Variants in STRBP observed in about 807,000 individuals in gnomAD.
STRBP encodes spermatid perinuclear RNA binding protein, also known as spermatid perinuclear RNA-binding protein.
STRBP carries 13 observed loss-of-function variants against 80.1 expected under a neutral mutation model. The observed-to-expected ratio is 0.16, with a 90% CI of 0.11 to 0.26. STRBP has a LOEUF of 0.26. Among genes scored for constraint, STRBP ranks in the 10% least tolerant of loss-of-function variants. The pLI, the probability that STRBP is intolerant of heterozygous loss-of-function variation, is 1.00. For synonymous variants in STRBP, 284 were observed against 291.2 expected (o/e 0.98, Z 0.25); for missense variants, 485 against 815.2 (o/e 0.59, Z 4.93).
intron 2 of STRBP, among the ~76,000 whole-genome samples, chr9:123,207,961 C>T (rs893001303): frequency 2.0e-5 from 3 of 152,064 alleles, no homozygotes; most frequent in Non-Finnish European, 4.4e-5. Flanking sequence ...ACGTAAGATA[C>T]GTAGAAACAA....
chr9:123,262,726 C>T (rs2041184532), intron 1 of STRBP, among the ~76,000 whole-genome samples: 1 of 152,232 alleles, frequency 6.6e-6, no homozygotes, highest in South Asian at 2.1e-4. Context: ...GCCACATGCA[C>T]ATGTGGAGAG....
At chr9:123,169,873 CATATAT>C (rs59261791) in intron 6 of STRBP, 23 bp downstream of exon 6, 13 of 992,796 alleles carry the variant, frequency 1.3e-5, no homozygotes, top group Admixed American at 8.6e-5. Context: ...CAAATATATA[CATATAT>C]ATATATATAT....
At chr9:123,154,997 G>C (rs1279515573) in intron 11 of STRBP, among the ~76,000 whole-genome samples, 1 of 152,190 alleles carries the variant, frequency 6.6e-6, no homozygotes, top group Non-Finnish European at 1.5e-5. Flanking sequence ...ACTGACGCTG[G>C]TGAGAGAACA....
At chr9:123,229,336 G>A (rs1466862673) in intron 2 of STRBP, among the ~76,000 whole-genome samples, 2 of 152,144 alleles carry the variant, frequency 1.3e-5, no homozygotes, top group Non-Finnish European at 2.9e-5. Context: ...TTTAGGGCAT[G>A]TGAATTATAT....
intron 6 of STRBP, among the ~76,000 whole-genome samples, chr9:123,164,780 C>A (rs2037681706): frequency 6.6e-6 from 1 of 152,216 alleles, no homozygotes; most frequent in Non-Finnish European, 1.5e-5. Context: ...GCAGCCCCTT[C>A]TCTCTCAATT....
rs1263491149 is a variant in STRBP, at chr9:123,115,308, TCTC to T, written c.*84+618_*84+620del. The T allele has an allele frequency of 8.5e-6, 4 of 471,022 alleles. No individual in the cohort carries two copies. The East Asian group carries it at 2.8e-4, about 33-fold the overall frequency. The allele number at this position is 471,022 out of a possible 1,614,324, so 29.2% of individuals were successfully genotyped here. ...TGGTAAATTACTCAGTAAGCACTTC[TCTC>T]CTGAGGCCTGGCTCCTCTCCTGCCC... On this transcript the variant is annotated intron_variant and NMD_transcript_variant, in intron 3 of 3. Transcript: ENST00000471564. The surrounding 1 kb of genome is among the most constrained non-coding windows in gnomAD (Gnocchi z 5.0).
At chr9:123,256,898 CTTT>C (rs754149758) in intron 1 of STRBP, among the ~76,000 whole-genome samples, 2 of 134,250 alleles carry the variant, frequency 1.5e-5, no homozygotes, top group Non-Finnish European at 3.3e-5. Flanking sequence ...AGCCAGGAAT[CTTT>C]TTTTTTTTTT....
chr9:123,185,539 C>A (rs1208624605), intron 2 of STRBP, among the ~76,000 whole-genome samples: 1 of 152,116 alleles, frequency 6.6e-6, no homozygotes, highest in African/African-American at 2.4e-5. Context: ...AAACAGGGAT[C>A]AAAATATGAT....
intron 1 of STRBP, among the ~76,000 whole-genome samples, chr9:123,261,070 C>G (rs1185799475): frequency 6.6e-6 from 1 of 152,154 alleles, no homozygotes; most frequent in African/African-American, 2.4e-5. Flanking sequence ...TAAATAGGAT[C>G]AGATCTCATA....
intron 1 of STRBP, among the ~76,000 whole-genome samples, chr9:123,247,173 C>A (rs967343577): frequency 4.6e-5 from 7 of 152,168 alleles, no homozygotes; most frequent in Admixed American, 4.6e-4. Context: ...TGAAAAACAG[C>A]AAAAACTCCT....
intron 4 of STRBP, among the ~76,000 whole-genome samples, chr9:123,174,233 C>T (rs1332808627): frequency 6.6e-6 from 1 of 152,126 alleles, no homozygotes; most frequent in African/African-American, 2.4e-5. Context: ...CCCAGTAGTT[C>T]AAGACCAACC....
At chr9:123,208,870 G>A (rs2039613383) in intron 2 of STRBP, among the ~76,000 whole-genome samples, 1 of 152,146 alleles carries the variant, frequency 6.6e-6, no homozygotes, top group South Asian at 2.1e-4. Flanking sequence ...AAACATTTGG[G>A]AACCTCTCTT....
chr9:123,183,412 G>A (rs910619350), intron 3 of STRBP, among the ~76,000 whole-genome samples: 4 of 151,806 alleles, frequency 2.6e-5, no homozygotes, highest in Admixed American at 6.6e-5. Context: ...ATTCCAGCCC[G>A]GGCAACAGGG....
At chr9:123,158,638 G>T (rs1274424909) in intron 9 of STRBP, among the ~76,000 whole-genome samples, 1 of 152,122 alleles carries the variant, frequency 6.6e-6, no homozygotes, top group Non-Finnish European at 1.5e-5. Context: ...TTTTATACTG[G>T]AAGTCACTTG....
chr9:123,236,304 T>C (rs1316899120), intron 2 of STRBP, among the ~76,000 whole-genome samples: 1 of 152,232 alleles, frequency 6.6e-6, no homozygotes, highest in East Asian at 1.9e-4. Flanking sequence ...TTAATTTCTA[T>C]TTTTATTTCC....
intron 2 of STRBP, among the ~76,000 whole-genome samples, chr9:123,194,862 G>T (rs1564287096): frequency 1.3e-5 from 2 of 152,022 alleles, no homozygotes; most frequent in South Asian, 2.1e-4. Context: ...TTACTCCCTT[G>T]TATCCTTTTC....
In STRBP at chr9:123,184,163, T is replaced by C. The variant is rs945831152; in HGVS notation, c.-29A>G. 1 of 1,608,560 alleles carries C rather than the reference T, an allele frequency of 6.2e-7. No individual in the cohort carries two copies. The highest frequency in any genetic ancestry group is 8.5e-7 in the Non-Finnish European group (1 of 1,176,890). On this transcript the variant is annotated 5_prime_UTR_variant, in exon 3 of 19. Coordinates refer to ENST00000348403, the MANE Select transcript of STRBP (RefSeq NM_018387.5). ...TTTCTATAGTATTTTAGCTTCTTTT[T>C]CCGATCCTTTCCCCTCTTTCTTGTC...
chr9:123,193,014 G>A (rs1174336977), intron 2 of STRBP, among the ~76,000 whole-genome samples: 2 of 152,214 alleles, frequency 1.3e-5, no homozygotes, highest in Non-Finnish European at 1.5e-5. Context: ...TGAGTTAAAC[G>A]ATTCCCTTAC....
At chr9:123,163,193 G>C (rs547459583) in intron 6 of STRBP, among the ~76,000 whole-genome samples, 32 of 152,150 alleles carry the variant, frequency 2.1e-4, no homozygotes, top group Non-Finnish European at 4.1e-4. Context: ...AAAAGGCAAG[G>C]CAAGCCAAAA....
Sources: allele counts gnomAD v4.1 joint callset (sites outside exome capture counted in the v4.1 genomes callset), GRCh38; gene constraint gnomAD v4.1.1; non-coding constraint Gnocchi (gnomAD v3.1); transcripts MANE v1.5; gene names NCBI Gene and HGNC (gene_info 2026-07-23, HGNC 2026-07-21).